FMN1: variants seen among roughly 807,000 people sequenced by gnomAD.
FMN1 encodes formin-1.
Under a neutral mutation model 132.4 loss-of-function variants are expected in FMN1, and 110 were observed. The ratio of observed to expected loss-of-function variants is 0.83; its 90% confidence interval spans 0.71 to 0.97. FMN1 has a LOEUF of 0.97. Ranked by LOEUF, FMN1 falls within the 50% of genes least tolerant of loss-of-function variation. The pLI is 0.00. For missense variants in FMN1, 1,792 were observed against 1,705.3 expected, an observed-to-expected ratio of 1.05 and a Z score of -0.90; for synonymous variants, 722 against 651.7, an observed-to-expected ratio of 1.11 and a Z score of -1.64.
At chr15:33,143,898 G>T (rs758444173) in intron 4 of FMN1, among the ~76,000 whole-genome samples, 1 of 152,198 alleles carries the variant, frequency 6.6e-6, no homozygotes, top group Non-Finnish European at 1.5e-5. Context: ...TATCACAGAA[G>T]AATCGCTGAG....
rs760084152 is a variant in FMN1 at position 32,969,085 on chromosome 15, G to A, written c.2616C>T (p.Pro872=). 5.0e-5 allele frequency: 80 copies of A among 1,603,094 alleles called. No individual in the cohort carries two copies. The highest frequency in any genetic ancestry group is 1.7e-4 in the Middle Eastern group (1 of 6,008). Residue 872 remains proline (P), a synonymous_variant, in exon 8 of 21, where the codon CCC becomes CCT. Coordinates refer to ENST00000616417, the MANE Select transcript of FMN1 (RefSeq NM_001277313.2). The stretch of plus-strand genomic sequence containing the variant: ...GGGGCGGAGGGGGAGGGATGGATGC[G>A]GGAGGCGGAGGCAATGCCTTCTGCT... The part of the protein sequence containing the change: ...SNQQKALPPP[P]ASIPPPPPLP...
chr15:32,973,698 G>A (rs996579078), intron 7 of FMN1, among the ~76,000 whole-genome samples: 2 of 152,060 alleles, frequency 1.3e-5, no homozygotes, highest in Admixed American at 1.3e-4. Context: ...AGTGATTAAA[G>A]TAATAAGCAC....
intron 17 of FMN1, among the ~76,000 whole-genome samples, chr15:32,833,615 A>T (rs2058555411): frequency 6.6e-6 from 1 of 152,214 alleles, no homozygotes; most frequent in Non-Finnish European, 1.5e-5. Context: ...TAGCTGAGTT[A>T]AAAGGGTTAA....
intron 4 of FMN1, among the ~76,000 whole-genome samples, chr15:33,109,138 T>C (rs574256468): frequency 1.3e-5 from 2 of 152,266 alleles, no homozygotes; most frequent in East Asian, 1.9e-4. Context: ...CTAGACTCTA[T>C]TCAAGACAAA....
chr15:32,784,980 C>T (rs987568217), intron 19 of FMN1, among the ~76,000 whole-genome samples: 7 of 151,798 alleles, frequency 4.6e-5, no homozygotes, highest in Non-Finnish European at 5.9e-5. Flanking sequence ...TATGGCTTCT[C>T]CCAACTTAAT....
intron 5 of FMN1, among the ~76,000 whole-genome samples, chr15:33,078,016 AG>A (rs555422808): frequency 2.8e-4 from 42 of 152,096 alleles, no homozygotes; most frequent in African/African-American, 9.9e-4. Context: ...GTGGAGAAAT[AG>A]GAACACCAAT....
chr15:33,007,593 T>A (rs2034485792), intron 7 of FMN1, among the ~76,000 whole-genome samples: 1 of 152,148 alleles, frequency 6.6e-6, no homozygotes, highest in African/African-American at 2.4e-5. Flanking sequence ...TTCCTTAAAT[T>A]TTGTAATCTG....
Position 32,888,242 on chromosome 15 carries a change from G to A in FMN1, c.3765C>T (p.Phe1255=), listed in dbSNP as rs754910617. Residue 1255 remains phenylalanine (F), a synonymous_variant, in exon 16 of 21, where the codon TTC becomes TTT. Transcript: ENST00000616417. ...SVFPLPEPQD[F]FLASQVKFED... ...CAAACTTGACTTGGGAGGCCAGAAAGAAATCCTGTGGTTCCGGCAAGGGGA... is the reference window on the plus strand; with the variant it reads ...CAAACTTGACTTGGGAGGCCAGAAAAAAATCCTGTGGTTCCGGCAAGGGGA... 7 of 1,612,948 alleles carry A rather than the reference G, an allele frequency of 4.3e-6. No homozygotes were observed. The South Asian group carries it at 7.7e-5, about 18-fold the overall frequency.
At chr15:33,130,061 T>C (rs1357793112) in intron 4 of FMN1, among the ~76,000 whole-genome samples, 3 of 152,134 alleles carry the variant, frequency 2.0e-5, no homozygotes, top group African/African-American at 7.2e-5. Context: ...GTGATCCACC[T>C]GACCTCGTGA....
At chr15:33,165,501 T>C (rs569048641) in intron 3 of FMN1, among the ~76,000 whole-genome samples, 95 of 152,186 alleles carry the variant, frequency 6.2e-4, no homozygotes, top group African/African-American at 1.4e-3. Context: ...CGCCATTCTC[T>C]TGCCTCAGCC....
At chr15:32,933,174 T>C (rs1377655701) in intron 9 of FMN1, among the ~76,000 whole-genome samples, 2 of 152,186 alleles carry the variant, frequency 1.3e-5, no homozygotes, top group Non-Finnish European at 2.9e-5. Context: ...GTATGTTGTA[T>C]TTTTGTTTCT....
At chr15:32,930,174 A>C (rs998951177) in intron 9 of FMN1, among the ~76,000 whole-genome samples, 1 of 151,590 alleles carries the variant, frequency 6.6e-6, no homozygotes, top group African/African-American at 2.4e-5. Flanking sequence ...CATTTTTAGT[A>C]GACGGGGTTT....
intron 6 of FMN1, among the ~76,000 whole-genome samples, chr15:33,027,753 GACA>G (rs2035749650): frequency 6.6e-6 from 1 of 152,140 alleles, no homozygotes; most frequent in Admixed American, 6.6e-5. Context: ...ATGAAATGGA[GACA>G]ACACACACAC....
intron 2 of FMN1, among the ~76,000 whole-genome samples, chr15:33,183,891 C>A (rs1401236540): frequency 6.6e-6 from 1 of 152,100 alleles, no homozygotes; most frequent in African/African-American, 2.4e-5. Context: ...TCAACTGATA[C>A]TGTCTAAAGA....
intron 4 of FMN1, among the ~76,000 whole-genome samples, chr15:33,142,762 C>T (rs1314468047): frequency 3.3e-5 from 5 of 152,212 alleles, no homozygotes; most frequent in Non-Finnish European, 7.3e-5. Context: ...CCATGGTGGG[C>T]ATTAGGCACC....
chr15:32,839,174 C>T (rs967845053), intron 17 of FMN1, among the ~76,000 whole-genome samples: 9 of 152,146 alleles, frequency 5.9e-5, no homozygotes, highest in Admixed American at 4.6e-4. Flanking sequence ...TGGGTTCCAG[C>T]GGCTGGCTTC....
chr15:32,794,818 A>G (rs1250537097), intron 19 of FMN1, among the ~76,000 whole-genome samples: 2 of 152,218 alleles, frequency 1.3e-5, no homozygotes, highest in African/African-American at 4.8e-5. Context: ...GGATTATGAT[A>G]CATCGTAAAT....
intron 4 of FMN1, among the ~76,000 whole-genome samples, chr15:33,110,085 A>C (rs2039640997): frequency 6.6e-6 from 1 of 152,134 alleles, no homozygotes; most frequent in Non-Finnish European, 1.5e-5. Flanking sequence ...GGTAATAAAT[A>C]TTAAAATAAC....
At chr15:32,828,803 C>T (rs543397325) in intron 17 of FMN1, among the ~76,000 whole-genome samples, 1 of 152,220 alleles carries the variant, frequency 6.6e-6, no homozygotes, top group South Asian at 2.1e-4. Flanking sequence ...GCATACATTC[C>T]GACTACTAGA....
Sources: gnomAD v4.1 joint callset for allele counts (sites outside exome capture counted in the v4.1 genomes callset) on GRCh38, gnomAD v4.1.1 for gene constraint, MANE v1.5 for transcripts, NCBI Gene and HGNC (gene_info 2026-07-23, HGNC 2026-07-21) for gene names.